The following EDIL3 variants were observed in gnomAD, a reference collection of about 807,000 sequenced individuals.
EDIL3 encodes the protein EGF like and discoidin domains 3, also known as EGF-like repeat and discoidin I-like domain-containing protein 3.
Under a neutral mutation model 67.4 loss-of-function variants are expected in EDIL3, and 37 were observed. That is an observed-to-expected ratio of 0.55 (90% CI 0.42 to 0.72). The LOEUF (loss-of-function observed/expected upper bound fraction) is 0.72. Ranked by LOEUF, EDIL3 falls within the 30% of genes least tolerant of loss-of-function variation. The probability of loss-of-function intolerance (pLI) is 0.00; values close to 1 mark genes in which losing one functional copy is unlikely to be tolerated. For synonymous variants in EDIL3, 195 were observed against 196.3 expected (o/e 0.99, Z 0.05); for missense variants, 527 against 586.3 (o/e 0.90, Z 1.04).
At chr5:84,100,611 T>A (rs1314048814) in intron 6 of EDIL3, among the ~76,000 whole-genome samples, 1 of 151,970 alleles carries the variant, frequency 6.6e-6, no homozygotes, top group Admixed American at 6.6e-5. Context: ...TTAGGAGAAA[T>A]ACCTAATGCA....
chr5:84,113,860 G>A (rs192025207), intron 5 of EDIL3, among the ~76,000 whole-genome samples: 5 of 152,234 alleles, frequency 3.3e-5, no homozygotes, highest in South Asian at 4.1e-4. Flanking sequence ...CCCTTTCTCC[G>A]AGCATCTCAT....
chr5:84,182,763 G>C (rs1028678596), intron 3 of EDIL3, among the ~76,000 whole-genome samples: 1 of 151,678 alleles, frequency 6.6e-6, no homozygotes, highest in African/African-American at 2.4e-5. Context: ...TTGACTTCCC[G>C]ATAGGACTGA....
chr5:84,344,077 T>A (rs1355927318), intron 1 of EDIL3, among the ~76,000 whole-genome samples: 1 of 151,954 alleles, frequency 6.6e-6, no homozygotes, highest in Admixed American at 6.6e-5. Flanking sequence ...AAACACACAG[T>A]CGATGGTAGC....
At chr5:84,084,240 C>T (rs1580319151) in intron 6 of EDIL3, among the ~76,000 whole-genome samples, 1 of 152,124 alleles carries the variant, frequency 6.6e-6, no homozygotes, top group African/African-American at 2.4e-5. Context: ...TAAAAACTCA[C>T]ATATTCTATG....
intron 6 of EDIL3, among the ~76,000 whole-genome samples, chr5:84,069,587 G>C (rs540949779): frequency 6.6e-6 from 1 of 152,076 alleles, no homozygotes; most frequent in African/African-American, 2.4e-5. Flanking sequence ...GAGCAAAAAA[G>C]CATTTTCTTT....
chr5:84,270,194 ACAACCTATAAAAACC>A (rs1745434604), intron 1 of EDIL3, among the ~76,000 whole-genome samples: 1 of 152,220 alleles, frequency 6.6e-6, no homozygotes, highest in Non-Finnish European at 1.5e-5. Flanking sequence ...TTAAAAACTC[ACAACCTATAAAAACC>A]CAATTAGCAG....
intron 2 of EDIL3, among the ~76,000 whole-genome samples, chr5:84,235,293 T>A (rs1744657915): frequency 6.6e-6 from 1 of 152,148 alleles, no homozygotes; most frequent in Non-Finnish European, 1.5e-5. Flanking sequence ...TGTGGTCAAC[T>A]CCACAATCTC....
At chr5:83,970,911 C>T (rs1315461612) in intron 9 of EDIL3, among the ~76,000 whole-genome samples, 1 of 151,268 alleles carries the variant, frequency 6.6e-6, no homozygotes, top group Non-Finnish European at 1.5e-5. Context: ...AGAAGACATG[C>T]TCAAAAGGTT....
chr5:84,356,938 C>CT (rs1192794267), intron 1 of EDIL3, among the ~76,000 whole-genome samples: 16 of 12,646 alleles, frequency 1.3e-3, no homozygotes, highest in African/African-American at 4.0e-3. Context: ...TCTCTCTTTT[C>CT]TTTTTTTTTT....
chr5:84,337,929 A>C (rs1317883229), intron 1 of EDIL3, among the ~76,000 whole-genome samples: 1 of 152,132 alleles, frequency 6.6e-6, no homozygotes, highest in African/African-American at 2.4e-5. Flanking sequence ...ACTATAGAAG[A>C]ATGTGCATCT....
rs890220516 is a variant in EDIL3, at chr5:83,990,338, T to A, written c.1138-26978A>T. 5.3e-5 allele frequency among the ~76,000 whole-genome samples: 8 copies of A among 151,908 alleles called. No individual in the cohort carries two copies. In the East Asian group the frequency reaches 1.6e-3, roughly 30 times the overall value. On this transcript the variant is annotated intron_variant, in intron 9 of 10. Transcript: ENST00000296591. ...CCCGTCTCTACTGAAAATATAAAAA[T>A]TAGCTGGGCGTGGTGGCATGCGCCT...
chr5:84,079,913 A>G (rs989229075), intron 6 of EDIL3, among the ~76,000 whole-genome samples: 14 of 152,074 alleles, frequency 9.2e-5, no homozygotes, highest in African/African-American at 2.9e-4. Context: ...TCATTAACAC[A>G]TTCTGTGAAG....
In EDIL3 at chr5:84,168,245, T is replaced by C. The variant is rs1007511142; in HGVS notation, c.355+12148A>G. The stretch of plus-strand genomic sequence containing the variant: ...AAAATCATTGTTGTATTTTAGCATG[T>C]AATTATTAGTCTTGATTTACATACT... On this transcript the variant is annotated intron_variant, in intron 4 of 10. Coordinates refer to ENST00000296591, the MANE Select transcript of EDIL3 (RefSeq NM_005711.5). Among the ~76,000 whole-genome samples the C allele has an allele frequency of 4.6e-5, 7 of 152,192 alleles. No individual in the cohort carries two copies. In the South Asian group the frequency reaches 1.4e-3, roughly 32 times the overall value.
chr5:84,206,437 T>G (rs1294322505), intron 3 of EDIL3, among the ~76,000 whole-genome samples: 2 of 152,158 alleles, frequency 1.3e-5, no homozygotes, highest in Admixed American at 1.3e-4. Flanking sequence ...GTCCACTTGG[T>G]GCAGAGCTGA....
At chr5:83,948,172 T>G (rs1744346519) in intron 10 of EDIL3, among the ~76,000 whole-genome samples, 1 of 151,836 alleles carries the variant, frequency 6.6e-6, no homozygotes, top group Admixed American at 6.6e-5. Flanking sequence ...TAATTTCTCC[T>G]CAGTGAGGGT....
intron 5 of EDIL3, among the ~76,000 whole-genome samples, chr5:84,120,474 A>G (rs1747756136): frequency 6.6e-6 from 1 of 152,046 alleles, no homozygotes; most frequent in Admixed American, 6.6e-5. Flanking sequence ...GATTGTTAAT[A>G]TAACACCTGG....
At chr5:84,343,767 C>G (rs972031294) in intron 1 of EDIL3, among the ~76,000 whole-genome samples, 25 of 152,218 alleles carry the variant, frequency 1.6e-4, no homozygotes, top group Admixed American at 5.9e-4. Flanking sequence ...TAGCCTCTAG[C>G]AAAGCCTATC....
At chr5:84,138,596 T>A (rs899656855) in intron 4 of EDIL3, among the ~76,000 whole-genome samples, 2 of 152,230 alleles carry the variant, frequency 1.3e-5, no homozygotes, top group Non-Finnish European at 2.9e-5. Flanking sequence ...AAGAAGATCA[T>A]TAAATTACTT....
chr5:84,256,986 G>T (rs539096128), intron 1 of EDIL3, among the ~76,000 whole-genome samples: 1 of 152,306 alleles, frequency 6.6e-6, no homozygotes, highest in South Asian at 2.1e-4. Flanking sequence ...AGTAATCAGT[G>T]TAAGGACACA....
Sources: allele counts gnomAD v4.1 joint callset (sites outside exome capture counted in the v4.1 genomes callset), GRCh38; gene constraint gnomAD v4.1.1; transcripts MANE v1.5; gene names NCBI Gene and HGNC (gene_info 2026-07-23, HGNC 2026-07-21).